SHROOM3: variants seen among roughly 807,000 people sequenced by gnomAD.
SHROOM3 encodes shroom family member 3.
A neutral mutation model predicts 138.6 loss-of-function variants in SHROOM3; 47 were observed. That is an observed-to-expected ratio of 0.34 (90% CI 0.27 to 0.43). The LOEUF is 0.43. SHROOM3 is among the 20% of genes least tolerant of loss of function. The probability of loss-of-function intolerance (pLI) is 1.00; values close to 1 mark genes in which losing one functional copy is unlikely to be tolerated. For synonymous variants in SHROOM3, 1,062 were observed against 1,063.3 expected (o/e 1.00, Z 0.02); for missense variants, 2,491 against 2,596.5 (o/e 0.96, Z 0.88).
chr4:76,516,229 T>C (rs1010031956), intron 1 of SHROOM3, among the ~76,000 whole-genome samples: 1 of 152,200 alleles, frequency 6.6e-6, no homozygotes, highest in Non-Finnish European at 1.5e-5. Flanking sequence ...TTCTCCGTCA[T>C]TTCTCCTGTT....
chr4:76,647,846 T>C (rs912878803), intron 2 of SHROOM3, among the ~76,000 whole-genome samples: 2 of 152,042 alleles, frequency 1.3e-5, no homozygotes, highest in African/African-American at 4.8e-5. Flanking sequence ...TGGTGAGCAG[T>C]GATCATGTAC....
chr4:76,753,758 C>T (rs1480775133), intron 6 of SHROOM3, among the ~76,000 whole-genome samples: 1 of 152,186 alleles, frequency 6.6e-6, no homozygotes, highest in Non-Finnish European at 1.5e-5. Context: ...TGAGACTCTC[C>T]CCCTCCTTTT....
intron 6 of SHROOM3, 140 bp from the exon 7 acceptor site, chr4:76,754,171 A>G: frequency 8.4e-6 from 9 of 1,074,472 alleles, no homozygotes; most frequent in Non-Finnish European, 9.9e-6. Context: ...CAGCCAGGGA[A>G]GACAGTGTGC....
chr4:76,609,541 G>C (rs542117592), intron 2 of SHROOM3, among the ~76,000 whole-genome samples: 2 of 152,322 alleles, frequency 1.3e-5, no homozygotes, highest in South Asian at 4.1e-4. Flanking sequence ...AAACTGTTGG[G>C]ATTACAGGCG....
At chr4:76,656,388 A>T (rs1736066101) in intron 2 of SHROOM3, among the ~76,000 whole-genome samples, 1 of 152,234 alleles carries the variant, frequency 6.6e-6, no homozygotes, top group African/African-American at 2.4e-5. Flanking sequence ...AATTTAAATT[A>T]CAGGTATTTA....
intron 2 of SHROOM3, among the ~76,000 whole-genome samples, chr4:76,585,147 G>A (rs1734126639): frequency 6.6e-6 from 1 of 152,160 alleles, no homozygotes; most frequent in Admixed American, 6.5e-5. Flanking sequence ...TGTTTGGAAT[G>A]ATTACTACTG....
rs144220275 is a variant in SHROOM3 at position 76,738,809 on chromosome 4, G to T, written c.636G>T (p.Arg212=). The T allele has an allele frequency of 7.4e-6, 12 of 1,614,098 alleles. No individual in the cohort carries two copies. The African/African-American group carries it at 1.6e-4, about 22-fold the overall frequency. ...ACTATGACCATGCTTATCTAAGGCG[G>T]AGCCCTGACCAGTGCAGCTCCCAGG... ...LSNYDHAYLR[R]SPDQCSSQGS... The change falls in exon 5 of 11, where the codon CGG becomes CGT. Residue 212 remains arginine (R), a synonymous_variant. Transcript: ENST00000296043.
chr4:76,654,710 G>A (rs1736030056), intron 2 of SHROOM3, among the ~76,000 whole-genome samples: 1 of 152,150 alleles, frequency 6.6e-6, no homozygotes, highest in Non-Finnish European at 1.5e-5. Context: ...TTTGATACAG[G>A]AGATGAGGAG....
intron 2 of SHROOM3, among the ~76,000 whole-genome samples, chr4:76,602,642 G>T (rs1734530085): frequency 6.6e-6 from 1 of 152,062 alleles, no homozygotes; most frequent in South Asian, 2.1e-4. Flanking sequence ...ATCTCTCTTG[G>T]TCCAGCCCTA....
intron 2 of SHROOM3, among the ~76,000 whole-genome samples, chr4:76,640,315 T>A (rs2110080295): frequency 6.6e-6 from 1 of 152,328 alleles, no homozygotes; most frequent in Admixed American, 6.5e-5. Context: ...AAACTTGTCA[T>A]GTAATTGAAT....
intron 2 of SHROOM3, among the ~76,000 whole-genome samples, chr4:76,610,416 T>A (rs1485341545): frequency 6.6e-6 from 1 of 151,876 alleles, no homozygotes; most frequent in African/African-American, 2.4e-5. Flanking sequence ...AGACTGAGAG[T>A]TTTTCTGGTT....
intron 2 of SHROOM3, chr4:76,575,576 G>A (rs1442043011): frequency 2.0e-5 from 3 of 152,126 alleles, no homozygotes; most frequent in Non-Finnish European, 4.4e-5. Context: ...TGATTGCAGT[G>A]TTTGCCAATA....
chr4:76,752,996 C>T (rs1721680651), intron 6 of SHROOM3, among the ~76,000 whole-genome samples: 2 of 152,258 alleles, frequency 1.3e-5, no homozygotes, highest in South Asian at 4.2e-4. Flanking sequence ...AGCAGCTGGG[C>T]AAAGGAGACG....
intron 1 of SHROOM3, among the ~76,000 whole-genome samples, chr4:76,460,173 A>G (rs1349552847): frequency 2.0e-5 from 3 of 152,224 alleles, no homozygotes; most frequent in East Asian, 1.9e-4. Context: ...TGAGGGCTAC[A>G]TAAGTTTAAA....
chr4:76,605,929 C>CTATA (rs1186057606), intron 2 of SHROOM3, among the ~76,000 whole-genome samples: 28 of 139,970 alleles, frequency 2.0e-4, no homozygotes, highest in African/African-American at 7.0e-4. Flanking sequence ...CTCTCTCTCT[C>CTATA]TCTCTATATA....
chr4:76,696,146 C>G (rs1482433994), intron 2 of SHROOM3, among the ~76,000 whole-genome samples: 2 of 152,214 alleles, frequency 1.3e-5, no homozygotes, highest in African/African-American at 4.8e-5. Context: ...CTGCTTGTCT[C>G]TGACACTCTC....
intron 2 of SHROOM3, among the ~76,000 whole-genome samples, chr4:76,575,906 T>C (rs1733927306): frequency 6.6e-6 from 1 of 152,168 alleles, no homozygotes; most frequent in African/African-American, 2.4e-5. Flanking sequence ...TCAACATCAT[T>C]GATTATTAGA....
At chr4:76,727,590 TGAGAAAAAGG>T (rs2110126770) in intron 3 of SHROOM3, among the ~76,000 whole-genome samples, 1 of 152,222 alleles carries the variant, frequency 6.6e-6, no homozygotes, top group Non-Finnish European at 1.5e-5. Flanking sequence ...CTACCTGCAC[TGAGAAAAAGG>T]TTGATTCGGC....
intron 1 of SHROOM3, among the ~76,000 whole-genome samples, chr4:76,437,209 G>A (rs1730580645): frequency 6.6e-6 from 1 of 152,090 alleles, no homozygotes; most frequent in Non-Finnish European, 1.5e-5. Context: ...CGAGTGCACG[G>A]GACACCATTA....
Sources: allele counts gnomAD v4.1 joint callset (sites outside exome capture counted in the v4.1 genomes callset), GRCh38; gene constraint gnomAD v4.1.1; transcripts MANE v1.5; gene names NCBI Gene and HGNC (gene_info 2026-07-23, HGNC 2026-07-21).